Variants in GPR149 observed in about 807,000 individuals in gnomAD.
GPR149 encodes probable G protein-coupled receptor 149.
GPR149 carries 50 observed loss-of-function variants against 50.2 expected under a neutral mutation model. The observed-to-expected ratio is 1.00, with a 90% CI of 0.79 to 1.26. The LOEUF (loss-of-function observed/expected upper bound fraction) is 1.26. GPR149 is among the 50% of genes most tolerant of loss of function. GPR149 has a pLI of 0.00. For missense variants in GPR149, 983 were observed against 895.4 expected, an observed-to-expected ratio of 1.10 and a Z score of -1.25; for synonymous variants, 405 against 358.2, an observed-to-expected ratio of 1.13 and a Z score of -1.48.
chr3:154,399,104 C>T (rs548698936), intron 3 of GPR149, among the ~76,000 whole-genome samples: 2 of 152,198 alleles, frequency 1.3e-5, no homozygotes, highest in African/African-American at 4.8e-5. Flanking sequence ...CTGGGATCCT[C>T]ATTTGGTTAT....
chr3:154,389,358 G>A (rs1715114113), intron 3 of GPR149, among the ~76,000 whole-genome samples: 1 of 151,998 alleles, frequency 6.6e-6, no homozygotes, highest in Admixed American at 6.6e-5. Flanking sequence ...TCTTGCCAAG[G>A]GCCCTACCCC....
At position 154,428,767 on chromosome 3, in the gene GPR149, A is replaced by T. The variant is rs1362120704; in HGVS notation, c.849T>A (p.Ala283=). 2 of 1,613,966 alleles carry T rather than the reference A, an allele frequency of 1.2e-6. No homozygotes were observed. The highest frequency in any genetic ancestry group is 3.3e-5 in the Admixed American group (2 of 60,024). ...TVFGPGAPAA[A]GAEACRRENR... ...TCTCACGCCTGCAGGCTTCAGCCCC[A>T]GCGGCAGCGGGCGCACCCGGTCCGA... The change falls in exon 1 of 4, where the codon GCT becomes GCA. Residue 283 remains alanine (A), a synonymous_variant. Transcript: ENST00000389740.
Position 154,338,120 on chromosome 3 carries a change from T to G in GPR149, c.1775A>C (p.Tyr592Ser). The change falls in exon 4 of 4, where the codon TAT becomes TCT. Residue 592 changes from tyrosine to serine, a missense_variant. Tyr to Ser is a moderately radical substitution (Grantham distance 144). Coordinates refer to ENST00000389740, the MANE Select transcript of GPR149 (RefSeq NM_001038705.3). Reference protein sequence around the residue: ...ITPASKKIEVYRSKSVGHEPN... With the variant: ...ITPASKKIEVSRSKSVGHEPN... Reference sequence around the variant, plus strand: ...TTCATGGCCAACACTTTTGGATCGATAGACTTCTATTTTCTTAGAGGCTGG... The same window carrying G: ...TTCATGGCCAACACTTTTGGATCGAGAGACTTCTATTTTCTTAGAGGCTGG... The G allele has an allele frequency of 6.2e-7, 1 of 1,614,194 alleles. No homozygotes were observed. The highest frequency in any genetic ancestry group is 8.5e-7 in the Non-Finnish European group (1 of 1,180,024).
chr3:154,366,462 G>A (rs562168006), intron 3 of GPR149, among the ~76,000 whole-genome samples: 2 of 152,334 alleles, frequency 1.3e-5, no homozygotes, highest in African/African-American at 2.4e-5. Context: ...CATTAATGCA[G>A]CCAGGACTTT....
At chr3:154,350,950 A>T (rs1263574027) in intron 3 of GPR149, among the ~76,000 whole-genome samples, 1 of 152,128 alleles carries the variant, frequency 6.6e-6, no homozygotes, top group Non-Finnish European at 1.5e-5. Flanking sequence ...ATAGCTGTTT[A>T]CTATATTGTT....
At chr3:154,413,277 G>A (rs981973158) in intron 3 of GPR149, among the ~76,000 whole-genome samples, 2 of 151,982 alleles carry the variant, frequency 1.3e-5, no homozygotes, top group South Asian at 2.1e-4. Context: ...AAAAGCAAAT[G>A]CAACAAAAAT....
intron 3 of GPR149, among the ~76,000 whole-genome samples, chr3:154,365,383 A>T (rs1252308089): frequency 1.3e-5 from 2 of 152,120 alleles, no homozygotes; most frequent in African/African-American, 4.8e-5. Flanking sequence ...CTTCAGAGTT[A>T]TTCTTCCATT....
At chr3:154,360,966 A>T (rs1286724427) in intron 3 of GPR149, among the ~76,000 whole-genome samples, 2 of 152,198 alleles carry the variant, frequency 1.3e-5, no homozygotes, top group African/African-American at 4.8e-5. Flanking sequence ...TTAAAGGAGT[A>T]TGAAAAGACT....
intron 3 of GPR149, among the ~76,000 whole-genome samples, chr3:154,374,226 G>A (rs1714740023): frequency 7.1e-6 from 1 of 140,750 alleles, no homozygotes; most frequent in Non-Finnish European, 1.5e-5. Flanking sequence ...CCAGGCTGGA[G>A]TGCAGCGGCA....
chr3:154,387,003 G>T (rs1042257354), intron 3 of GPR149, among the ~76,000 whole-genome samples: 1 of 151,958 alleles, frequency 6.6e-6, no homozygotes, highest in African/African-American at 2.4e-5. Flanking sequence ...GGAAATAGCC[G>T]AGAGAATCTC....
chr3:154,408,535 G>A (rs1435602968), intron 3 of GPR149, among the ~76,000 whole-genome samples: 1 of 152,124 alleles, frequency 6.6e-6, no homozygotes, highest in Non-Finnish European at 1.5e-5. Flanking sequence ...TTTGGGAGAG[G>A]GGTGAGGCCT....
chr3:154,337,749 A>G lies in GPR149; in HGVS notation c.2146T>C (p.Leu716=). 1 of 1,611,922 alleles carries G rather than the reference A, an allele frequency of 6.2e-7. No homozygotes were observed. The highest frequency in any genetic ancestry group is 8.5e-7 in the Non-Finnish European group (1 of 1,179,174). ...CTTTTTCTGTAAGCTTTATTTAACA[A>G]CTGGATTTCCTCCTGGTAGCCATCC... ...ERDGYQEEIQ[L]LNKAYRKREE... The change falls in exon 4 of 4, where the codon TTG becomes CTG. Residue 716 remains leucine, a synonymous_variant. Coordinates refer to ENST00000389740, the MANE Select transcript of GPR149 (RefSeq NM_001038705.3).
chr3:154,418,608 T>G (rs1286327752), intron 3 of GPR149, among the ~76,000 whole-genome samples: 2 of 118,632 alleles, frequency 1.7e-5, no homozygotes, highest in East Asian at 2.3e-4. Flanking sequence ...AGGTGGGAAT[T>G]GAACAATGAG....
At chr3:154,423,955 C>T (rs537113962) in intron 2 of GPR149, among the ~76,000 whole-genome samples, 2 of 151,824 alleles carry the variant, frequency 1.3e-5, no homozygotes, top group African/African-American at 4.8e-5. Context: ...CCCATTAACT[C>T]GTCATTTACA....
At chr3:154,407,693 T>TACACAC (rs1175398541) in intron 3 of GPR149, among the ~76,000 whole-genome samples, 10,871 of 139,984 alleles carry the variant, frequency 0.078, 443 homozygotes, top group Non-Finnish European at 0.092. Context: ...GTCATGTGTA[T>TACACAC]ACACACACAC....
intron 3 of GPR149, among the ~76,000 whole-genome samples, chr3:154,381,857 G>A (rs1477663332): frequency 6.6e-6 from 1 of 152,040 alleles, no homozygotes; most frequent in Non-Finnish European, 1.5e-5. Context: ...TTACTTCCTA[G>A]CATAAATTGT....
intron 3 of GPR149, among the ~76,000 whole-genome samples, chr3:154,374,472 C>T (rs1714747073): frequency 6.6e-6 from 1 of 151,964 alleles, no homozygotes; most frequent in Non-Finnish European, 1.5e-5. Flanking sequence ...CACACTCAGC[C>T]CAAAAGTCCT....
Position 154,429,082 on chromosome 3 carries a change from C to T in GPR149, c.534G>A (p.Thr178=). The T allele has an allele frequency of 6.2e-7, 1 of 1,613,792 alleles. No homozygotes were observed. The highest frequency in any genetic ancestry group is 8.5e-7 in the Non-Finnish European group (1 of 1,179,950). Residue 178 remains threonine (T), a synonymous_variant, in exon 1 of 4, where the codon ACG becomes ACA. Transcript: ENST00000389740. ...AGCAGTCCACCAGGCAGCCCCAGGG[C>T]GTGCGCACGAAGGCGCCCCAGCCGC... ...PLCGWGAFVR[T]PWGCLVDCSS...
chr3:154,422,399 T>A (rs1363499115), intron 2 of GPR149, among the ~76,000 whole-genome samples: 1 of 151,736 alleles, frequency 6.6e-6, no homozygotes, highest in Non-Finnish European at 1.5e-5. Flanking sequence ...GTAGACAAGA[T>A]ATAATTTAAT....
Sources: gnomAD v4.1 joint callset for allele counts (sites outside exome capture counted in the v4.1 genomes callset) on GRCh38, gnomAD v4.1.1 for gene constraint, MANE v1.5 for transcripts, NCBI Gene and HGNC (gene_info 2026-07-23, HGNC 2026-07-21) for gene names.